Variants in SLC24A2 observed in about 807,000 individuals in gnomAD.
The protein encoded by SLC24A2 is solute carrier family 24 member 2.
In SLC24A2, 36 loss-of-function variants were observed where a neutral mutation model predicts 62.0. That is an observed-to-expected ratio of 0.58 (90% CI 0.44 to 0.77). The LOEUF (loss-of-function observed/expected upper bound fraction) is 0.77, where lower values mean the gene tolerates loss of function less well. Among genes scored for constraint, SLC24A2 ranks in the 30% least tolerant of loss-of-function variants. The probability of loss-of-function intolerance (pLI) is 0.00; values close to 1 mark genes in which losing one functional copy is unlikely to be tolerated. For synonymous variants in SLC24A2, 358 were observed against 294.0 expected (o/e 1.22, Z -2.23); for missense variants, 846 against 817.9 (o/e 1.03, Z -0.42).
At chr9:20,080,785 A>G in the SLC24A2 span, among the ~76,000 whole-genome samples, 1 of 151,856 alleles carries the variant, frequency 6.6e-6, no homozygotes, top group African/African-American at 2.4e-5. Context: ...TTACAAGAAA[A>G]AAACAAACAA....
chr9:19,976,342 G>C, the SLC24A2 span, among the ~76,000 whole-genome samples: 1 of 152,208 alleles, frequency 6.6e-6, no homozygotes. Flanking sequence ...CTGAATCATG[G>C]GGGCAGACAT....
At chr9:20,044,536 C>T in the SLC24A2 span, among the ~76,000 whole-genome samples, 1 of 152,058 alleles carries the variant, frequency 6.6e-6, no homozygotes, top group Non-Finnish European at 1.5e-5. Flanking sequence ...TTTGCTGGGT[C>T]AAGGAAACCA....
chr9:19,708,436 C>T (rs1820602910), intron 2 of SLC24A2, among the ~76,000 whole-genome samples: 1 of 152,082 alleles, frequency 6.6e-6, no homozygotes, highest in South Asian at 2.1e-4. Flanking sequence ...AAAAAAGAGC[C>T]TGCATCACCA....
chr9:19,775,485 G>C (rs1564094220), intron 2 of SLC24A2, among the ~76,000 whole-genome samples: 1 of 152,208 alleles, frequency 6.6e-6, no homozygotes, highest in African/African-American at 2.4e-5. Flanking sequence ...ACAGAAATCT[G>C]CATTGGTCAG....
At chr9:19,889,045 C>T in the SLC24A2 span, among the ~76,000 whole-genome samples, 60,376 of 152,024 alleles carry the variant, frequency 0.4, 12,569 homozygotes, top group East Asian at 0.82. Context: ...TGGCCCCAGA[C>T]CATCAGTGTG....
the SLC24A2 span, among the ~76,000 whole-genome samples, chr9:20,231,163 AG>A: frequency 6.6e-6 from 1 of 152,146 alleles, no homozygotes; most frequent in Non-Finnish European, 1.5e-5. Context: ...GAAGTCAGGT[AG>A]CGTGATGCCT....
At chr9:20,075,335 T>C in the SLC24A2 span, among the ~76,000 whole-genome samples, 2 of 152,128 alleles carry the variant, frequency 1.3e-5, no homozygotes, top group East Asian at 3.8e-4. Context: ...GATGAGAAAA[T>C]GGAGGCTTAG....
rs145736408 is a variant in SLC24A2, at chr9:19,752,043, G to T, written c.930+33894C>A. On this transcript the variant is annotated intron_variant, in intron 2 of 10. Transcript: ENST00000341998. ...GTACAATGTGGTAGCCACTTTCCACGTAGTCAAAAGGTTGTCAAATGGCAG... is the reference window on the plus strand; with the variant it reads ...GTACAATGTGGTAGCCACTTTCCACTTAGTCAAAAGGTTGTCAAATGGCAG... Among the ~76,000 whole-genome samples the T allele has an allele frequency of 3.7e-4, 57 of 152,246 alleles. No homozygotes were observed. The East Asian group carries it at 9.9e-3, about 26-fold the overall frequency.
chr9:19,613,337 C>G (rs1215453738), intron 4 of SLC24A2, among the ~76,000 whole-genome samples: 1 of 152,188 alleles, frequency 6.6e-6, no homozygotes, highest in Non-Finnish European at 1.5e-5. Context: ...CAGTTCCTGT[C>G]TAGAGATGGC....
At chr9:20,204,741 A>AT in the SLC24A2 span, among the ~76,000 whole-genome samples, 4 of 146,808 alleles carry the variant, frequency 2.7e-5, no homozygotes, top group East Asian at 7.8e-4. Flanking sequence ...AAAAAGTATA[A>AT]CTTTTTTTTT....
At position 19,620,542 on chromosome 9, in the gene SLC24A2, G is replaced by C. The variant is rs72501449; in HGVS notation, c.970-850C>G. On this transcript the variant is annotated intron_variant, in intron 3 of 10. Transcript: ENST00000341998. ...AATAAAAGGAACTGGTACGTGACAAGGAAGAATGAGTATCTAGAGATAAGG... is the reference window on the plus strand; with the variant it reads ...AATAAAAGGAACTGGTACGTGACAACGAAGAATGAGTATCTAGAGATAAGG... Among the ~76,000 whole-genome samples the C allele has an allele frequency of 8.3e-3, 1,262 of 152,286 alleles. 47 individuals are homozygous for C. In the East Asian group the frequency reaches 0.14, roughly 17 times the overall value.
chr9:19,545,511 T>C (rs1834512928), intron 8 of SLC24A2, among the ~76,000 whole-genome samples: 1 of 152,130 alleles, frequency 6.6e-6, no homozygotes, highest in African/African-American at 2.4e-5. Flanking sequence ...GTGTTCAGGT[T>C]TTTGGAATTT....
At chr9:20,124,336 A>G in the SLC24A2 span, among the ~76,000 whole-genome samples, 1 of 152,136 alleles carries the variant, frequency 6.6e-6, no homozygotes, top group African/African-American at 2.4e-5. Context: ...ATTCTGTACC[A>G]TAAACCTGTA....
At chr9:20,068,726 G>C in the SLC24A2 span, among the ~76,000 whole-genome samples, 2 of 152,128 alleles carry the variant, frequency 1.3e-5, no homozygotes, top group South Asian at 2.1e-4. Context: ...TAGGGGATTT[G>C]TTTCAACTGT....
intron 7 of SLC24A2, among the ~76,000 whole-genome samples, chr9:19,561,325 GAGGT>G (rs1159053671): frequency 3.4e-5 from 5 of 147,856 alleles, no homozygotes; most frequent in Admixed American, 6.8e-5. Context: ...AAGTGAAAAA[GAGGT>G]AAGTTTACGT....
intron 2 of SLC24A2, among the ~76,000 whole-genome samples, chr9:19,691,862 T>TC (rs1587160933): frequency 6.6e-6 from 1 of 152,080 alleles, no homozygotes; most frequent in African/African-American, 2.4e-5. Flanking sequence ...GCTGATATTG[T>TC]CCAGGGATAT....
the SLC24A2 span, among the ~76,000 whole-genome samples, chr9:20,302,491 C>G: frequency 6.6e-6 from 1 of 152,126 alleles, no homozygotes; most frequent in Non-Finnish European, 1.5e-5. Flanking sequence ...TGATGTGGAA[C>G]TTCTTTTCAT....
At chr9:20,093,447 T>C in the SLC24A2 span, among the ~76,000 whole-genome samples, 1 of 152,184 alleles carries the variant, frequency 6.6e-6, no homozygotes, top group Non-Finnish European at 1.5e-5. Flanking sequence ...TGTCTGTCTC[T>C]TTAAAATAGT....
chr9:19,524,900 AAAC>A (rs1341768036), intron 9 of SLC24A2, among the ~76,000 whole-genome samples: 1 of 152,230 alleles, frequency 6.6e-6, no homozygotes, highest in Non-Finnish European at 1.5e-5. Flanking sequence ...AATATCTGGG[AAAC>A]AACATATCCC....
Sources: allele counts gnomAD v4.1 joint callset (sites outside exome capture counted in the v4.1 genomes callset), GRCh38; gene constraint gnomAD v4.1.1; transcripts MANE v1.5; gene names NCBI Gene and HGNC (gene_info 2026-07-23, HGNC 2026-07-21).